WDR72: variants seen among roughly 807,000 people sequenced by gnomAD.
WDR72 encodes the protein WD repeat domain 72.
A neutral mutation model predicts 124.2 loss-of-function variants in WDR72; 120 were observed. That is an observed-to-expected ratio of 0.97 (90% CI 0.83 to 1.12). The LOEUF (loss-of-function observed/expected upper bound fraction) is 1.12, where lower values mean the gene tolerates loss of function less well. Ranked by LOEUF, WDR72 falls within the 50% of genes most tolerant of loss-of-function variation. The pLI is 0.00. For synonymous variants in WDR72, 452 were observed against 441.7 expected, an observed-to-expected ratio of 1.02 and a Z score of -0.29; for missense variants, 1,387 against 1,278.8, an observed-to-expected ratio of 1.08 and a Z score of -1.29.
At chr15:53,689,671 A>C (rs980253777) in intron 13 of WDR72, among the ~76,000 whole-genome samples, 1 of 150,358 alleles carries the variant, frequency 6.7e-6, no homozygotes, top group Non-Finnish European at 1.5e-5. Flanking sequence ...TTCCTCAGGG[A>C]TCTAGAACTA....
chr15:53,655,147 C>T (rs1379366430), intron 14 of WDR72, among the ~76,000 whole-genome samples: 2 of 142,232 alleles, frequency 1.4e-5, no homozygotes, highest in Admixed American at 7.5e-5. Flanking sequence ...AGGAGAATCG[C>T]TGGAACCTGG....
chr15:53,742,707 A>T (rs568159289), intron 1 of WDR72, among the ~76,000 whole-genome samples: 1 of 152,324 alleles, frequency 6.6e-6, no homozygotes, highest in South Asian at 2.1e-4. Flanking sequence ...ACTATATTAT[A>T]GAGGTCAAAT....
Position 53,725,320 on chromosome 15 carries a change from A to G in WDR72, c.154-2412T>C, listed in dbSNP as rs545437954. ...TTGGCAACATCAAATGCTGGCCGGGATGTGGAGCAACAGGAATTCTCACTC... is the reference window on the plus strand; with the variant it reads ...TTGGCAACATCAAATGCTGGCCGGGGTGTGGAGCAACAGGAATTCTCACTC... On this transcript the variant is annotated intron_variant, in intron 2 of 19. Transcript: ENST00000360509. 2.8e-4 allele frequency among the ~76,000 whole-genome samples: 43 copies of G among 152,318 alleles called. 1 individual carries two copies. Among genetic ancestry groups the G allele is most frequent in the African/African-American group, 1.0e-3 (43 of 41,580 alleles).
intron 1 of WDR72, among the ~76,000 whole-genome samples, chr15:53,745,675 G>A (rs1168568817): frequency 2.0e-5 from 3 of 152,204 alleles, no homozygotes; most frequent in Non-Finnish European, 2.9e-5. Context: ...TAGAAAATAC[G>A]TATTTTTCAT....
At chr15:53,561,372 A>G (rs1894119040) in intron 18 of WDR72, among the ~76,000 whole-genome samples, 1 of 151,798 alleles carries the variant, frequency 6.6e-6, no homozygotes, top group African/African-American at 2.4e-5. Flanking sequence ...CCAAATATAA[A>G]TATATAAATC....
intron 3 of WDR72, among the ~76,000 whole-genome samples, chr15:53,721,427 T>C (rs138877588): frequency 2.0e-5 from 3 of 152,258 alleles, no homozygotes; most frequent in African/African-American, 4.8e-5. Flanking sequence ...CAAAATTCTC[T>C]AGATTGGGAA....
intron 18 of WDR72, among the ~76,000 whole-genome samples, chr15:53,592,974 T>C (rs2012580306): frequency 6.6e-6 from 1 of 152,072 alleles, no homozygotes; most frequent in Admixed American, 6.6e-5. Flanking sequence ...AAAACACAGA[T>C]ACACAAATAT....
At chr15:53,522,574 A>G (rs569917301) in intron 19 of WDR72, among the ~76,000 whole-genome samples, 1 of 152,260 alleles carries the variant, frequency 6.6e-6, no homozygotes, top group African/African-American at 2.4e-5. Flanking sequence ...AAACAAAAAT[A>G]GAAACAGAAA....
intron 13 of WDR72, among the ~76,000 whole-genome samples, chr15:53,683,669 G>A (rs983187201): frequency 6.6e-6 from 1 of 151,972 alleles, no homozygotes; most frequent in Non-Finnish European, 1.5e-5. Context: ...AGAATATAGT[G>A]AATATTAAGT....
intron 18 of WDR72, among the ~76,000 whole-genome samples, chr15:53,592,302 T>TA (rs1005312558): frequency 6.6e-6 from 1 of 152,006 alleles, no homozygotes; most frequent in Non-Finnish European, 1.5e-5. Context: ...CTGGAGATCT[T>TA]AGAGTAAATG....
chr15:53,665,198 ATT>A (rs60292735), intron 14 of WDR72, among the ~76,000 whole-genome samples: 1 of 149,396 alleles, frequency 6.7e-6, no homozygotes, highest in Non-Finnish European at 1.5e-5. Flanking sequence ...AGTTTTTCTG[ATT>A]TTTTTTTTGT....
rs1382587777 is a variant in WDR72, at chr15:53,715,333, C to T, written c.374G>A (p.Gly125Asp). 6.2e-7 allele frequency: 1 copy of T among 1,614,156 alleles called. No homozygotes were observed. Among genetic ancestry groups the T allele is most frequent in the Non-Finnish European group, 8.5e-7 (1 of 1,180,014 alleles). Residue 125 changes from glycine to aspartate, a missense_variant, in exon 5 of 20, where the codon GGC (glycine) becomes GAC (aspartate). Physicochemically the swap from Gly to Asp is moderately conservative, Grantham distance 94 (BLOSUM62 -1). Transcript: ENST00000360509. ...YHCSFRMTGE[G>D]WLLCCGEYQD... ...ATATTCTCCACAACAAAGAAGCCAGCCTTCTCCTGTCATCCGGAATGAGCA... is the reference window on the plus strand; with the variant it reads ...ATATTCTCCACAACAAAGAAGCCAGTCTTCTCCTGTCATCCGGAATGAGCA...
At chr15:53,650,916 T>TTTTA (rs1555418926) in intron 14 of WDR72, among the ~76,000 whole-genome samples, 1 of 142,454 alleles carries the variant, frequency 7.0e-6, no homozygotes, top group East Asian at 2.2e-4. Flanking sequence ...TTTTTTTTTT[T>TTTTA]ACATAGCAAA....
intron 13 of WDR72, among the ~76,000 whole-genome samples, chr15:53,696,523 G>A (rs2017007840): frequency 1.3e-5 from 2 of 152,176 alleles, no homozygotes; most frequent in African/African-American, 2.4e-5. Context: ...TCGTGTGCCA[G>A]GCACATCCAT....
intron 10 of WDR72, 72 bp from the exon 11 acceptor site, chr15:53,705,305 A>C: frequency 7.1e-7 from 1 of 1,417,338 alleles, no homozygotes; most frequent in Non-Finnish European, 9.8e-7. Context: ...ATATCAAGGC[A>C]CCCTCCCTTC....
intron 13 of WDR72, among the ~76,000 whole-genome samples, chr15:53,699,307 G>T (rs2017095690): frequency 6.6e-6 from 1 of 152,068 alleles, no homozygotes; most frequent in Non-Finnish European, 1.5e-5. Context: ...TCAGTTTTCA[G>T]TTTCCCTGAC....
intron 13 of WDR72, among the ~76,000 whole-genome samples, chr15:53,686,565 T>G (rs1388727145): frequency 6.6e-6 from 1 of 151,610 alleles, no homozygotes; most frequent in Non-Finnish European, 1.5e-5. Context: ...ATAAAGCAAG[T>G]CCTGAGTGAC....
At chr15:53,647,630 G>A (rs538515055) in intron 14 of WDR72, among the ~76,000 whole-genome samples, 3 of 152,082 alleles carry the variant, frequency 2.0e-5, no homozygotes, top group South Asian at 4.2e-4. Context: ...CCCAGCATAC[G>A]GCTTCTGCTT....
At chr15:53,741,803 C>T (rs544549620) in intron 1 of WDR72, among the ~76,000 whole-genome samples, 8 of 151,960 alleles carry the variant, frequency 5.3e-5, no homozygotes, top group African/African-American at 1.9e-4. Context: ...TCTCTGCTCA[C>T]TGCAAACTCT....
Sources: allele counts gnomAD v4.1 joint callset (sites outside exome capture counted in the v4.1 genomes callset), GRCh38; gene constraint gnomAD v4.1.1; transcripts MANE v1.5; gene names NCBI Gene and HGNC (gene_info 2026-07-23, HGNC 2026-07-21).